DIP2C: variants seen among roughly 807,000 people sequenced by gnomAD.
DIP2C encodes disco-interacting protein 2 homolog C.
A neutral mutation model predicts 192.4 loss-of-function variants in DIP2C; 33 were observed. That is an observed-to-expected ratio of 0.17 (90% CI 0.13 to 0.23). DIP2C has a LOEUF of 0.23. Ranked by LOEUF, DIP2C falls within the 10% of genes least tolerant of loss-of-function variation. DIP2C has a pLI of 1.00. For synonymous variants in DIP2C, 979 were observed against 864.1 expected (o/e 1.13, Z -2.33); for missense variants, 1,537 against 2,110.1 (o/e 0.73, Z 5.32).
intron 8 of DIP2C, among the ~76,000 whole-genome samples, chr10:410,776 G>A (rs956875142): frequency 6.6e-6 from 1 of 151,912 alleles, no homozygotes; most frequent in Admixed American, 6.5e-5. Flanking sequence ...GTTAACAATA[G>A]AGAGTTTGAT....
rs566897917 is a variant in DIP2C at position 450,971 on chromosome 10, AAT to A, written c.269-9977_269-9976del. 4.5e-3 allele frequency among the ~76,000 whole-genome samples: 681 copies of A among 152,270 alleles called. 8 individuals carry two copies. Among genetic ancestry groups the A allele is most frequent in the African/African-American group, 0.015 (637 of 41,534 alleles). On this transcript the variant is annotated intron_variant, in intron 3 of 36. Transcript: ENST00000280886. ...TATATGTCCATATGTGTGGGTATAA[AAT>A]ATACTGTCTATGCCTCAATAACGGC...
intron 1 of DIP2C, among the ~76,000 whole-genome samples, chr10:515,480 TGGGA>T (rs1256590601): frequency 1.3e-5 from 2 of 152,176 alleles, no homozygotes. Flanking sequence ...CCCAGCACTT[TGGGA>T]GGCCAAAGTG....
intron 22 of DIP2C, among the ~76,000 whole-genome samples, chr10:358,378 G>A (rs954512867): frequency 4.0e-5 from 6 of 150,518 alleles, no homozygotes; most frequent in Non-Finnish European, 7.4e-5. Context: ...AACAGACAGT[G>A]GACATTTCAC....
chr10:565,354 T>TAAAAAAAAAAA lies in DIP2C; in HGVS notation c.86-78835_86-78825dup, dbSNP rs59721670. On this transcript the variant is annotated intron_variant, in intron 1 of 36. Transcript: ENST00000280886. ...AAAATATGAAACAGTACCTGCATTC[T>TAAAAAAAAAAA]AAAAAAAAAAAAAAAAAGACCTAGA... 1.1e-3 allele frequency among the ~76,000 whole-genome samples: 124 copies of TAAAAAAAAAAA among 114,008 alleles called. 5 individuals carry two copies. The highest frequency in any genetic ancestry group is 4.2e-3 in the African/African-American group (112 of 26,600). The allele number at this position is 114,008 out of a possible 152,430, so 74.8% of individuals were successfully genotyped here. A position where few individuals can be genotyped will look rare whatever the true frequency, so the allele number is the denominator to read the frequency against.
At chr10:488,666 T>A (rs905680772) in intron 1 of DIP2C, among the ~76,000 whole-genome samples, 1 of 152,234 alleles carries the variant, frequency 6.6e-6, no homozygotes, top group African/African-American at 2.4e-5. Flanking sequence ...AACGGGACTC[T>A]ACTTCCTGCT....
At chr10:531,452 C>T (rs12267607) in intron 1 of DIP2C, among the ~76,000 whole-genome samples, 1 of 151,948 alleles carries the variant, frequency 6.6e-6, no homozygotes, top group Non-Finnish European at 1.5e-5. Context: ...TTCCTCTGTA[C>T]ATCTCATGGT....
intron 1 of DIP2C, among the ~76,000 whole-genome samples, chr10:488,764 G>A (rs1844207923): frequency 2.6e-5 from 4 of 152,196 alleles, no homozygotes; most frequent in South Asian, 2.1e-4. Context: ...GTGATGTCGT[G>A]GATGACTGTT....
rs187148794 is a variant in DIP2C, at chr10:472,327, G to T, written c.268+112C>A. The T allele has an allele frequency of 3.6e-4, 324 of 910,736 alleles. 1 individual carries two copies. In the African/African-American group the frequency reaches 5.0e-3, roughly 14 times the overall value. The allele number at this position is 910,736 out of a possible 1,614,324, so 56.4% of individuals were successfully genotyped here. A position where few individuals can be genotyped will look rare whatever the true frequency, so the allele number is the denominator to read the frequency against. ...GTGCAGAAAGCTGGAGGCCCCTCGC[G>T]TGCTGCAGGTCCACGCCCACTGCAC... On this transcript the variant is annotated intron_variant, in intron 3 of 36. Transcript: ENST00000280886.
At position 408,888 on chromosome 10, in the gene DIP2C, TTG is replaced by T. The variant is rs548541773; in HGVS notation, c.1149+36_1149+37del. The T allele has an allele frequency of 2.8e-4, 453 of 1,604,536 alleles. 2 individuals carry two copies. In the African/African-American group the frequency reaches 5.4e-3, roughly 19 times the overall value. Reference sequence around the variant, plus strand: ...GTGGGCACCTTTTCCCACAGGACTCTTGTGTTTTGTAGATCCAGCAGTTTAAG... The same window carrying T: ...GTGGGCACCTTTTCCCACAGGACTCTTGTTTTGTAGATCCAGCAGTTTAAG... On this transcript the variant is annotated intron_variant, in intron 9 of 36. Transcript: ENST00000280886.
Position 577,669 on chromosome 10 carries a change from TCTAA to T in DIP2C, c.86-91143_86-91140del, listed in dbSNP as rs371105588. Among the ~76,000 whole-genome samples the T allele has an allele frequency of 1.2e-3, 176 of 152,294 alleles. 1 individual carries two copies. Among genetic ancestry groups the T allele is most frequent in the African/African-American group, 3.6e-3 (151 of 41,546 alleles). ...AAGCCCTGCCTTCAAGGTGCTCAGA[TCTAA>T]CTAATACAAGGTTTTGCTTTTAACA... is the stretch of plus-strand genomic sequence containing the variant. On this transcript the variant is annotated intron_variant, in intron 1 of 36. Transcript: ENST00000280886.
At chr10:630,753 G>C (rs1470154057) in intron 1 of DIP2C, 2 of 152,286 alleles carry the variant, frequency 1.3e-5, no homozygotes, top group African/African-American at 2.4e-5. Context: ...CATAAGTCTT[G>C]CTAGGGGGAC....
At chr10:596,626 T>C (rs1237724159) in intron 1 of DIP2C, among the ~76,000 whole-genome samples, 3 of 148,686 alleles carry the variant, frequency 2.0e-5, no homozygotes, top group African/African-American at 7.5e-5. Flanking sequence ...CGTAGGTGAA[T>C]AGGACACAGT....
chr10:327,559 C>CG (rs1957330010), intron 30 of DIP2C, among the ~76,000 whole-genome samples: 1 of 152,066 alleles, frequency 6.6e-6, no homozygotes, highest in Non-Finnish European at 1.5e-5. Flanking sequence ...TGGAGAGGAA[C>CG]GGGAAAAATC....
chr10:384,245 T>TC (rs1336718892), intron 15 of DIP2C, 99 bp from the exon 16 acceptor site: 1 of 764,232 alleles, frequency 1.3e-6, no homozygotes, highest in East Asian at 3.6e-5. Context: ...GGGTGAAGAA[T>TC]CACTGGTCAC....
At chr10:477,756 AGAG>A (rs1234274581) in intron 2 of DIP2C, among the ~76,000 whole-genome samples, 3 of 101,350 alleles carry the variant, frequency 3.0e-5, no homozygotes, top group African/African-American at 8.8e-5. Flanking sequence ...AAAGAAAAGG[AGAG>A]AGAAGAAAAA....
intron 4 of DIP2C, among the ~76,000 whole-genome samples, chr10:435,776 C>T (rs1224918107): frequency 2.0e-5 from 3 of 152,180 alleles, no homozygotes; most frequent in African/African-American, 7.2e-5. Flanking sequence ...GTCTTCCCTT[C>T]CTCTGGCTCA....
At chr10:517,832 G>A (rs1846455686) in intron 1 of DIP2C, among the ~76,000 whole-genome samples, 1 of 152,162 alleles carries the variant, frequency 6.6e-6, no homozygotes, top group African/African-American at 2.4e-5. Flanking sequence ...CTCATCTGGT[G>A]CTTTTTAACA....
rs1237365666 is a variant in DIP2C, at chr10:366,371, C to T, written c.2172G>A (p.Leu724=). 2.5e-6 allele frequency: 4 copies of T among 1,614,200 alleles called. No individual in the cohort carries two copies. The highest frequency in any genetic ancestry group is 1.1e-5 in the South Asian group (1 of 91,076). The change falls in exon 19 of 37, where the codon CTG becomes CTA. Residue 724 remains leucine, a synonymous_variant. Transcript: ENST00000280886. ...CSVKPDGVPQ[L]CRTDEIGELC... ...GCTCCCCGATCTCATCCGTTCTGCA[C>T]AGCTGAGGAACCCCGTCTGGCTTCA... is the stretch of plus-strand genomic sequence containing the variant.
At chr10:403,729 G>A in intron 9 of DIP2C, among the ~76,000 whole-genome samples, 1 of 151,018 alleles carries the variant, frequency 6.6e-6, no homozygotes, top group Non-Finnish European at 1.5e-5. Flanking sequence ...TTATGGACAA[G>A]TTTGGTACAT....
Sources: allele counts gnomAD v4.1 joint callset (sites outside exome capture counted in the v4.1 genomes callset), GRCh38; gene constraint gnomAD v4.1.1; transcripts MANE v1.5; gene names NCBI Gene and HGNC (gene_info 2026-07-23, HGNC 2026-07-21).